The following SH3D19 variants were observed in gnomAD, a reference collection of about 807,000 sequenced individuals.
The protein encoded by SH3D19 is SH3 domain-containing protein 19.
Under a neutral mutation model 112.1 loss-of-function variants are expected in SH3D19, and 58 were observed. The observed-to-expected ratio is 0.52, with a 90% CI of 0.42 to 0.64. The LOEUF (loss-of-function observed/expected upper bound fraction) is 0.64. Ranked by LOEUF, SH3D19 falls within the 30% of genes least tolerant of loss-of-function variation. SH3D19 has a pLI of 0.00. For synonymous variants in SH3D19, 391 were observed against 448.5 expected (o/e 0.87, Z 1.62); for missense variants, 1,090 against 1,263.4 (o/e 0.86, Z 2.08).
chr4:151,254,029 C>A (rs534386925), intron 1 of SH3D19, among the ~76,000 whole-genome samples: 2 of 152,244 alleles, frequency 1.3e-5, no homozygotes, highest in East Asian at 3.9e-4. Context: ...AAGTGACGCC[C>A]AGCTTTGTTA....
At chr4:151,236,230 C>G (rs955177764) in intron 1 of SH3D19, among the ~76,000 whole-genome samples, 1 of 152,258 alleles carries the variant, frequency 6.6e-6, no homozygotes, top group Non-Finnish European at 1.5e-5. Flanking sequence ...TCCCTCAGCT[C>G]GTGGAGAGGT....
intron 8 of SH3D19, among the ~76,000 whole-genome samples, chr4:151,164,902 T>C (rs1323889611): frequency 2.0e-5 from 3 of 152,228 alleles, no homozygotes; most frequent in Non-Finnish European, 4.4e-5. Flanking sequence ...TTTTATAAAC[T>C]ATTATTTAAA....
intron 1 of SH3D19, among the ~76,000 whole-genome samples, chr4:151,251,022 T>C (rs1771337949): frequency 6.6e-6 from 1 of 152,012 alleles, no homozygotes. Context: ...CCTCCTCCAT[T>C]CACTGCCTTT....
chr4:151,151,506 A>C lies in SH3D19; in HGVS notation c.1756-1945T>G, dbSNP rs952664975. Reference sequence around the variant, plus strand: ...CCAAAACTCACTTTTATGATTTTTAAATTATACTGAATATTTATAACCTTT... The same window carrying C: ...CCAAAACTCACTTTTATGATTTTTACATTATACTGAATATTTATAACCTTT... On this transcript the variant is annotated intron_variant, in intron 9 of 19. Transcript: ENST00000604030. Among the ~76,000 whole-genome samples, 14 of 152,232 alleles carry C rather than the reference A, an allele frequency of 9.2e-5. No homozygotes were observed. In the East Asian group the frequency reaches 2.3e-3, roughly 25 times the overall value.
At chr4:151,127,596 A>G (rs761826872) in intron 19 of SH3D19, 22 bp downstream of exon 19, 10 of 1,428,716 alleles carry the variant, frequency 7.0e-6, no homozygotes, top group African/African-American at 1.4e-5. Context: ...TAATGCAGTT[A>G]TGAAGAGATA....
intron 2 of SH3D19, among the ~76,000 whole-genome samples, chr4:151,189,490 C>G (rs1329228476): frequency 7.2e-5 from 11 of 152,058 alleles, no homozygotes; most frequent in Non-Finnish European, 1.5e-4. Flanking sequence ...AATTGTAACT[C>G]CCACAATTCC....
intron 4 of SH3D19, among the ~76,000 whole-genome samples, chr4:151,178,999 T>G (rs1397198059): frequency 6.6e-6 from 1 of 152,212 alleles, no homozygotes; most frequent in Non-Finnish European, 1.5e-5. Flanking sequence ...TCCATTCAAT[T>G]TTCTATCCTG....
At chr4:151,183,785 G>T (rs1761309500) in intron 3 of SH3D19, among the ~76,000 whole-genome samples, 1 of 152,160 alleles carries the variant, frequency 6.6e-6, no homozygotes, top group Non-Finnish European at 1.5e-5. Flanking sequence ...TTTGGGACAG[G>T]GTATAAGAGT....
At chr4:151,246,265 C>T (rs963233383) in intron 1 of SH3D19, among the ~76,000 whole-genome samples, 3 of 152,138 alleles carry the variant, frequency 2.0e-5, no homozygotes, top group Non-Finnish European at 4.4e-5. Flanking sequence ...CTGAGTTTCA[C>T]GGATTTCAGG....
intron 3 of SH3D19, among the ~76,000 whole-genome samples, chr4:151,180,721 T>C (rs1441884212): frequency 6.6e-6 from 1 of 151,268 alleles, no homozygotes; most frequent in Non-Finnish European, 1.5e-5. Context: ...GGGGTCAATT[T>C]TTCAATTTTT....
At chr4:151,289,489 T>C (rs1461604546) in intron 1 of SH3D19, among the ~76,000 whole-genome samples, 3 of 152,214 alleles carry the variant, frequency 2.0e-5, no homozygotes, top group Admixed American at 6.5e-5. Context: ...GTAAGGGATC[T>C]GTATCTAGAA....
intron 2 of SH3D19, among the ~76,000 whole-genome samples, chr4:151,203,499 A>T (rs1170090561): frequency 1.3e-5 from 2 of 152,200 alleles, no homozygotes; most frequent in African/African-American, 4.8e-5. Context: ...CTCACTGATC[A>T]CTGATAACCT....
intron 1 of SH3D19, among the ~76,000 whole-genome samples, chr4:151,246,793 A>G (rs1282952188): frequency 2.6e-5 from 4 of 152,224 alleles, no homozygotes; most frequent in Admixed American, 2.0e-4. Flanking sequence ...TGAACACTGA[A>G]TATCTCATGC....
intron 4 of SH3D19, among the ~76,000 whole-genome samples, chr4:151,177,299 A>G (rs1413121780): frequency 1.3e-5 from 2 of 152,212 alleles, no homozygotes; most frequent in Admixed American, 6.5e-5. Context: ...CATACAGTGT[A>G]AGGTATAAAA....
chr4:151,280,717 G>C (rs1440240977), intron 1 of SH3D19, among the ~76,000 whole-genome samples: 1 of 151,958 alleles, frequency 6.6e-6, no homozygotes, highest in African/African-American at 2.4e-5. Context: ...CTTGAGCCTA[G>C]GAGTTCAAGG....
At chr4:151,283,354 C>A in intron 1 of SH3D19, 1 of 1,448,348 alleles carries the variant, frequency 6.9e-7, no homozygotes, top group Non-Finnish European at 9.6e-7. Flanking sequence ...GTTTTCCTAT[C>A]TGTAAATAAC....
intron 1 of SH3D19, chr4:151,282,077 G>T: frequency 6.6e-7 from 1 of 1,517,130 alleles, no homozygotes; most frequent in South Asian, 1.2e-5. Context: ...TAGAGACTTA[G>T]TGCTACATAT....
chr4:151,132,276 T>A, intron 17 of SH3D19, 55 bp downstream of exon 17: 1 of 1,379,800 alleles, frequency 7.2e-7, no homozygotes, highest in Non-Finnish European at 1.0e-6. Flanking sequence ...ATTTTAATAT[T>A]CCTCCCAGAG....
chr4:151,205,125 T>A (rs897626629), intron 2 of SH3D19, among the ~76,000 whole-genome samples: 6 of 152,042 alleles, frequency 3.9e-5, no homozygotes, highest in African/African-American at 1.4e-4. Flanking sequence ...CCCGGCCAAG[T>A]CTGTTCTTTA....
Sources: allele counts gnomAD v4.1 joint callset (sites outside exome capture counted in the v4.1 genomes callset), GRCh38; gene constraint gnomAD v4.1.1; transcripts MANE v1.5; gene names NCBI Gene and HGNC (gene_info 2026-07-23, HGNC 2026-07-21).